SRRM3: variants seen among roughly 807,000 people sequenced by gnomAD.
SRRM3 encodes serine/arginine repetitive matrix 3, also known as serine/arginine repetitive matrix protein 3.
Under a neutral mutation model 66.2 loss-of-function variants are expected in SRRM3, and 27 were observed. The ratio of observed to expected loss-of-function variants is 0.41; its 90% CI spans 0.30 to 0.56. The LOEUF is 0.56. Among genes scored for constraint, SRRM3 ranks in the 20% least tolerant of loss-of-function variants. The pLI, the probability that SRRM3 is intolerant of heterozygous loss-of-function variation, is 0.32. For synonymous variants in SRRM3, 391 were observed against 414.9 expected (o/e 0.94, Z 0.70); for missense variants, 918 against 991.9 (o/e 0.93, Z 1.00).
intron 3 of SRRM3, among the ~76,000 whole-genome samples, chr7:76,251,359 C>G (rs1235513225): frequency 7.2e-5 from 11 of 151,880 alleles, no homozygotes; most frequent in African/African-American, 2.4e-4. Context: ...TGGATCACAC[C>G]TGTAATCCCA....
intron 2 of SRRM3, among the ~76,000 whole-genome samples, chr7:76,242,934 T>G (rs1246311844): frequency 6.6e-6 from 1 of 152,130 alleles, no homozygotes; most frequent in African/African-American, 2.4e-5. Flanking sequence ...GCCTGGTTCC[T>G]AATAGGCCAC....
chr7:76,260,083 C>T, intron 4 of SRRM3, 34 bp from the exon 5 acceptor site: 9 of 1,395,560 alleles, frequency 6.4e-6, no homozygotes, highest in Non-Finnish European at 7.4e-6. Context: ...GCTGCCCCCC[C>T]TCACCGCCCC....
intron 1 of SRRM3, among the ~76,000 whole-genome samples, chr7:76,232,572 CA>C (rs1295713420): frequency 1.3e-3 from 187 of 140,686 alleles, no homozygotes; most frequent in African/African-American, 2.3e-3. Flanking sequence ...ACTCCTTCTC[CA>C]AAAAAAAAAA....
At chr7:76,225,465 C>G (rs899073173) in intron 1 of SRRM3, among the ~76,000 whole-genome samples, 80 of 151,168 alleles carry the variant, frequency 5.3e-4, no homozygotes, top group African/African-American at 1.9e-3. Context: ...GTGCTGCCCC[C>G]CTCCCCGCCC....
intron 5 of SRRM3, among the ~76,000 whole-genome samples, chr7:76,260,550 CT>C (rs1266675081): frequency 6.6e-6 from 1 of 150,634 alleles, no homozygotes; most frequent in Non-Finnish European, 1.5e-5. Flanking sequence ...GGCCCCACCC[CT>C]CATCGAGCCC....
chr7:76,252,607 C>T (rs1165911989), intron 3 of SRRM3, among the ~76,000 whole-genome samples: 11 of 151,854 alleles, frequency 7.2e-5, no homozygotes, highest in African/African-American at 2.4e-4. Context: ...GCGTGAGCCA[C>T]CGGGCCTGGC....
chr7:76,215,615 G>A (rs1185341010), intron 1 of SRRM3, among the ~76,000 whole-genome samples: 1 of 145,108 alleles, frequency 6.9e-6, no homozygotes, highest in Non-Finnish European at 1.5e-5. Context: ...TTGCTATGTT[G>A]CCCAGTCTGG....
intron 3 of SRRM3, 129 bp downstream of exon 3, chr7:76,248,418 A>G: frequency 1.5e-6 from 1 of 655,690 alleles, no homozygotes; most frequent in East Asian, 2.7e-5. Context: ...GAGGAAGAAG[A>G]TAAGGAGAAG....
chr7:76,227,139 TGTGCTGCTCTC>T (rs1554603806), intron 1 of SRRM3, among the ~76,000 whole-genome samples: 4 of 130,480 alleles, frequency 3.1e-5, no homozygotes, highest in African/African-American at 1.2e-4. Context: ...AGACTTCCCA[TGTGCTGCTCTC>T]AGCCAATCAG....
Position 76,261,391 on chromosome 7 carries a change from T to C in SRRM3, c.615T>C (p.Ser205=). 6.3e-7 allele frequency: 1 copy of C among 1,579,058 alleles called. No individual in the cohort carries two copies. Among genetic ancestry groups the C allele is most frequent in the Non-Finnish European group, 8.6e-7 (1 of 1,164,088 alleles). Residue 205 remains serine (S), a synonymous_variant, in exon 7 of 15, where the codon AGT becomes AGC. Transcript: ENST00000611745. ...SSSPLRKKKK[S]VKKHRRDRSD... is the part of the protein sequence containing the mutation. ...CACCCCTCCGCAAGAAGAAGAAGAG[T>C]GTGAAGAAGCATCGCCGAGACAGGT... is the stretch of plus-strand genomic sequence containing the variant.
chr7:76,258,893 C>G (rs1801786967), intron 3 of SRRM3, among the ~76,000 whole-genome samples: 1 of 150,670 alleles, frequency 6.6e-6, no homozygotes, highest in South Asian at 2.1e-4. Context: ...CCCATCTCTA[C>G]TAAAAATACA....
chr7:76,218,620 C>T lies in SRRM3; in HGVS notation c.-39-16408C>T, dbSNP rs542840087. 5.3e-5 allele frequency among the ~76,000 whole-genome samples: 8 copies of T among 150,212 alleles called. No individual in the cohort carries two copies. In the South Asian group the frequency reaches 1.7e-3, roughly 31 times the overall value. On this transcript the variant is annotated intron_variant, in intron 1 of 14. Transcript: ENST00000611745. The stretch of plus-strand genomic sequence containing the variant: ...ACTACTTGCTTATTTCATATCAGTT[C>T]TGGCCTCTACAGATCTGTCTACTAG...
At chr7:76,279,662 G>C (rs1554611571) in intron 11 of SRRM3, among the ~76,000 whole-genome samples, 1 of 152,060 alleles carries the variant, frequency 6.6e-6, no homozygotes, top group African/African-American at 2.4e-5. Context: ...TCATTTTGTG[G>C]ATGGAGAAAC....
At chr7:76,272,409 T>C (rs57833857) in intron 11 of SRRM3, among the ~76,000 whole-genome samples, 1 of 130,064 alleles carries the variant, frequency 7.7e-6, no homozygotes, top group African/African-American at 2.6e-5. Flanking sequence ...AAAAAAAAAA[T>C]TTTTTTTAAT....
At chr7:76,253,174 T>C (rs1233388493) in intron 3 of SRRM3, among the ~76,000 whole-genome samples, 1 of 144,796 alleles carries the variant, frequency 6.9e-6, no homozygotes, top group Non-Finnish European at 1.5e-5. Flanking sequence ...CTCAAATAAA[T>C]ACATAAATAA....
chr7:76,230,807 A>G (rs1800995847), intron 1 of SRRM3, among the ~76,000 whole-genome samples: 1 of 151,342 alleles, frequency 6.6e-6, no homozygotes, highest in Non-Finnish European at 1.5e-5. Flanking sequence ...CTGAAATACA[A>G]TGGCACAATC....
At chr7:76,269,388 A>T (rs1431607696) in intron 11 of SRRM3, 1 of 152,182 alleles carries the variant, frequency 6.6e-6, no homozygotes, top group Non-Finnish European at 1.5e-5. Flanking sequence ...TCTCTGCCTT[A>T]AAAAGACCCC....
chr7:76,231,632 C>T (rs933984554), intron 1 of SRRM3, among the ~76,000 whole-genome samples: 1 of 152,250 alleles, frequency 6.6e-6, no homozygotes, highest in Non-Finnish European at 1.5e-5. Context: ...TAGGCTCTAA[C>T]GAGCCAGAAT....
Position 76,282,975 on chromosome 7 carries a change from G to A in SRRM3, c.1607G>A (p.Gly536Asp). ...PKKPLSRDKD[G>D]EGRARHSEAE... ...CGCCGGCCCCGCAGGGACAAGGACG[G>A]CGAGGGCCGCGCAAGGCACTCTGAG... is the stretch of plus-strand genomic sequence containing the variant. The change falls in exon 14 of 15, where the codon GGC becomes GAC. Residue 536 changes from glycine to aspartate, a missense_variant. Physicochemically the swap from Gly to Asp is moderately conservative, Grantham distance 94 (BLOSUM62 -1). Transcript: ENST00000611745. 7.1e-7 allele frequency: 1 copy of A among 1,406,280 alleles called. No individual in the cohort carries two copies. The highest frequency in any genetic ancestry group is 3.1e-5 in the East Asian group (1 of 32,664). The allele number at this position is 1,406,280 out of a possible 1,614,324, so 87.1% of individuals were successfully genotyped here.
Sources: gnomAD v4.1 joint callset for allele counts (sites outside exome capture counted in the v4.1 genomes callset) on GRCh38, gnomAD v4.1.1 for gene constraint, MANE v1.5 for transcripts, NCBI Gene and HGNC (gene_info 2026-07-23, HGNC 2026-07-21) for gene names.